ZNF735: variants seen among roughly 807,000 people sequenced by gnomAD.
ZNF735 encodes the protein zinc finger protein 735.
In ZNF735, 11 loss-of-function variants were observed where a neutral mutation model predicts 13.4. The observed-to-expected ratio is 0.82, with a 90% CI of 0.52 to 1.36. ZNF735 has a LOEUF of 1.36. ZNF735 is among the 40% of genes most tolerant of loss of function. ZNF735 has a pLI of 0.00. For synonymous variants in ZNF735, 171 were observed against 162.6 expected, an observed-to-expected ratio of 1.05 and a Z score of -0.39; for missense variants, 500 against 484.6, an observed-to-expected ratio of 1.03 and a Z score of -0.30.
At chr7:64,214,227 C>A in intron 3 of ZNF735, 119 bp downstream of exon 3, 1 of 1,105,388 alleles carries the variant, frequency 9.0e-7, no homozygotes, top group Non-Finnish European at 1.2e-6. Context: ...TTCTGAGAAG[C>A]TTGAGTATTT....
exon 4 of ZNF735, chr7:64,219,383 T>A: frequency 1.2e-6 from 2 of 1,613,890 alleles, no homozygotes; most frequent in Non-Finnish European, 1.7e-6. Context: ...CAAAAAGTAA[T>A]ACCAAGAACA....
intron 1 of ZNF735, among the ~76,000 whole-genome samples, chr7:64,209,768 T>A (rs554995799): frequency 4.3e-4 from 66 of 152,330 alleles, no homozygotes; most frequent in African/African-American, 1.0e-3. Flanking sequence ...TAAATTGAGA[T>A]CTTTCTAACT....
At chr7:64,211,923 G>T (rs9969360) in intron 1 of ZNF735, among the ~76,000 whole-genome samples, 106,463 of 148,756 alleles carry the variant, frequency 0.72, 38,698 homozygotes, top group East Asian at 0.9. Flanking sequence ...TTATTTAAAT[G>T]TAGTTATAAT....
At chr7:64,207,943 C>T (rs559650676) in intron 1 of ZNF735, among the ~76,000 whole-genome samples, 21 of 151,700 alleles carry the variant, frequency 1.4e-4, no homozygotes, top group African/African-American at 4.1e-4. Context: ...GCCGAGATCG[C>T]GCCATTGTAC....
chr7:64,210,990 A>G (rs539673699), intron 1 of ZNF735, among the ~76,000 whole-genome samples: 22 of 152,356 alleles, frequency 1.4e-4, no homozygotes, highest in African/African-American at 5.3e-4. Context: ...TTTCAGATCA[A>G]GAGCAGTGTC....
At position 64,220,227 on chromosome 7, in the gene ZNF735, G is replaced by A. The variant is rs575560193; in HGVS notation, c.1176G>A (p.Trp392Ter). The A allele has an allele frequency of 9.9e-6, 16 of 1,612,272 alleles. No individual in the cohort carries two copies. In the Admixed American group the frequency reaches 1.7e-4, roughly 17 times the overall value. ...AAGAATGTGACAAAGCTTTTAAGTG[G>A]CATTCAAGTCTTGCTAAACATAAGA... Residue 392 changes from tryptophan (W) to a stop codon, truncating the protein, a stop_gained, in exon 4 of 4, where the codon TGG (tryptophan) becomes TGA (stop). Coordinates refer to ENST00000429565, the Ensembl canonical transcript of ZNF735. LOFTEE classifies it low-confidence loss of function (END_TRUNC).
In ZNF735 at chr7:64,219,298, T is replaced by C. The variant is rs1165713585; in HGVS notation, c.263-16T>C. ...GTCTAGTAAGTGGAGTAACTTGTGA[T>C]TTTTATGTCTTTCAGTTACATGTTC... On this transcript the variant is annotated splice_polypyrimidine_tract_variant and intron_variant, in intron 3 of 3. Transcript: ENST00000429565. The C allele has an allele frequency of 6.2e-7, 1 of 1,605,060 alleles. No individual in the cohort carries two copies.
At chr7:64,215,458 A>C (rs550661058) in intron 3 of ZNF735, among the ~76,000 whole-genome samples, 1 of 152,278 alleles carries the variant, frequency 6.6e-6, no homozygotes, top group South Asian at 2.1e-4. Flanking sequence ...GTGATTTTCA[A>C]ATATTGTCAC....
At chr7:64,219,919 A>G in exon 4 of ZNF735, 1 of 1,614,022 alleles carries the variant, frequency 6.2e-7, no homozygotes, top group Admixed American at 1.7e-5. Context: ...CCACAAGAGA[A>G]TTCATACTGG....
At chr7:64,218,669 A>G (rs1787451197) in intron 3 of ZNF735, among the ~76,000 whole-genome samples, 1 of 151,870 alleles carries the variant, frequency 6.6e-6, no homozygotes. Context: ...TTTTGATTGG[A>G]CCATGTTGCC....
intron 2 of ZNF735, 97 bp from the exon 3 acceptor site, chr7:64,213,916 G>C: frequency 8.6e-7 from 1 of 1,162,340 alleles, no homozygotes; most frequent in Non-Finnish European, 1.1e-6. Flanking sequence ...CTGAGATCAT[G>C]CCACTGCACT....
intron 1 of ZNF735, 57 bp from the exon 2 acceptor site, chr7:64,213,035 C>T: frequency 6.5e-7 from 1 of 1,530,118 alleles, no homozygotes; most frequent in Non-Finnish European, 8.8e-7. Flanking sequence ...ATAAAAATCT[C>T]TGCTTACGGC....
rs1368165543 is a variant in ZNF735 at position 64,216,564 on chromosome 7, C to A, written c.262+2456C>A. On this transcript the variant is annotated intron_variant, in intron 3 of 3. Transcript: ENST00000429565. Reference sequence around the variant, plus strand: ...CTTTTTTCTTTTTAGTTTTATTGAGCTTTGATTAGAAAACATACACTGCAT... The same window carrying A: ...CTTTTTTCTTTTTAGTTTTATTGAGATTTGATTAGAAAACATACACTGCAT... Among the ~76,000 whole-genome samples the A allele has an allele frequency of 3.3e-5, 5 of 151,348 alleles. No individual in the cohort carries two copies. The East Asian group carries it at 9.7e-4, about 29-fold the overall frequency.
At chr7:64,209,979 A>G (rs1787337181) in intron 1 of ZNF735, among the ~76,000 whole-genome samples, 1 of 152,138 alleles carries the variant, frequency 6.6e-6, no homozygotes, top group Non-Finnish European at 1.5e-5. Flanking sequence ...TGTTTTTTGT[A>G]TTGAATTATT....
chr7:64,214,974 T>C (rs1164976599), intron 3 of ZNF735, among the ~76,000 whole-genome samples: 2 of 152,146 alleles, frequency 1.3e-5, no homozygotes, highest in Admixed American at 1.3e-4. Context: ...TTTCTATAAA[T>C]TATTAATTTT....
chr7:64,217,471 T>C (rs1172479983), intron 3 of ZNF735, among the ~76,000 whole-genome samples: 1 of 152,070 alleles, frequency 6.6e-6, no homozygotes, highest in African/African-American at 2.4e-5. Flanking sequence ...GTTTTCTGTT[T>C]TTTTTAATTG....
chr7:64,219,910 C>T (rs761296245), exon 4 of ZNF735: 5 of 1,613,732 alleles, frequency 3.1e-6, no homozygotes, highest in Admixed American at 1.7e-5. Context: ...ACTTACTAAC[C>T]ACAAGAGAAT....
chr7:64,207,441 GTC>G (rs1787302858), intron 1 of ZNF735, among the ~76,000 whole-genome samples, 200 bp downstream of exon 1: 1 of 152,210 alleles, frequency 6.6e-6, no homozygotes. Context: ...TGGGAGTTCT[GTC>G]TTTTTCCTCT....
intron 1 of ZNF735, among the ~76,000 whole-genome samples, chr7:64,212,247 T>G (rs1787369269): frequency 6.6e-6 from 1 of 152,212 alleles, no homozygotes; most frequent in Non-Finnish European, 1.5e-5. Context: ...TGAGAGAAAC[T>G]GGGGAAAACC....
Sources: gnomAD v4.1 joint callset for allele counts (sites outside exome capture counted in the v4.1 genomes callset) on GRCh38, gnomAD v4.1.1 for gene constraint, MANE v1.5 for transcripts, NCBI Gene and HGNC (gene_info 2026-07-23, HGNC 2026-07-21) for gene names.